The following CIZ1 variants were observed in gnomAD, a reference collection of about 807,000 sequenced individuals.
CIZ1 encodes CDKN1A interacting zinc finger protein 1.
In CIZ1, 58 loss-of-function variants were observed where a neutral mutation model predicts 118.6. The ratio of observed to expected loss-of-function variants is 0.49; its 90% CI spans 0.40 to 0.61. CIZ1 has a LOEUF of 0.61. Ranked by LOEUF, CIZ1 falls within the 20% of genes least tolerant of loss-of-function variation. CIZ1 has a pLI of 0.00. For missense variants in CIZ1, 921 were observed against 1,115.9 expected (o/e 0.83, Z 2.49); for synonymous variants, 448 against 443.4 (o/e 1.01, Z -0.13).
chr9:128,200,301 A>C (rs923552903), intron 1 of CIZ1: 1 of 152,134 alleles, frequency 6.6e-6, no homozygotes, highest in Non-Finnish European at 1.5e-5. Context: ...AGGTTTTCAA[A>C]TACTTGTGTA....
rs45475893 is a variant in CIZ1, at chr9:128,176,371, G to A, written c.1923C>T (p.Asp641=). ...CTCACTCATCCTCTGTCTCCAGGACGTCCCGGGGCACGGGCAGCAGGGACA... is the reference window on the plus strand; with the variant it reads ...CTCACTCATCCTCTGTCTCCAGGACATCCCGGGGCACGGGCAGCAGGGACA... ...CLLSLLPVPR[D]VLETEDEEPP... The change falls in exon 11 of 17, where the codon GAC becomes GAT. Residue 641 remains aspartate (D), a synonymous_variant. Transcript: ENST00000372938. The A allele has an allele frequency of 8.2e-4, 1,324 of 1,614,018 alleles. 8 individuals carry two copies. The African/African-American group carries it at 0.015, about 19-fold the overall frequency.
In CIZ1 at chr9:128,189,937, G is replaced by C. The variant is rs536754511; in HGVS notation, c.286+392C>G. 2.0e-5 allele frequency among the ~76,000 whole-genome samples: 3 copies of C among 151,682 alleles called. No individual in the cohort carries two copies. The South Asian group carries it at 6.2e-4, about 32-fold the overall frequency. ...GACAAGGCCACAGACTTAATGCACA[G>C]GGCTAGAGACAACCACTCAGACATC... On this transcript the variant is annotated intron_variant, in intron 3 of 16. Transcript: ENST00000372938.
Position 128,166,317 on chromosome 9 carries a change from C to A in CIZ1, c.2577G>T (p.Leu859=), listed in dbSNP as rs1306455575. The A allele has an allele frequency of 7.0e-6, 11 of 1,568,576 alleles. No homozygotes were observed. The highest frequency in any genetic ancestry group is 1.4e-5 in the African/African-American group (1 of 74,034). ...AINARNALTA[L]FTSSGRPPSQ... is the part of the protein sequence containing the mutation. ...AGGGTGGGCGGCCGCTGGAGGTGAA[C>A]AGGGCTGTCAAAGCGTTCCGGGCGT... Residue 859 remains leucine, a synonymous_variant, in exon 17 of 17, where the codon CTG becomes CTT. Coordinates refer to ENST00000372938, the MANE Select transcript of CIZ1 (RefSeq NM_001131016.2). This position sits in a 1 kb window ranked among gnomAD's most constrained non-coding sequence, Gnocchi z 4.4.
rs753950043 is a variant in CIZ1 at position 128,190,479 on chromosome 9, G to A, written c.171-35C>T. 3 of 1,527,726 alleles carry A rather than the reference G, an allele frequency of 2.0e-6. No individual in the cohort carries two copies. The South Asian group carries it at 3.5e-5, about 18-fold the overall frequency. 94.6% of individuals were successfully genotyped at this position (1,527,726 alleles called of 1,614,324 possible). A position where few individuals can be genotyped will look rare whatever the true frequency, so the allele number is the denominator to read the frequency against. On this transcript the variant is annotated intron_variant, in intron 2 of 16. Coordinates refer to ENST00000372938, the MANE Select transcript of CIZ1 (RefSeq NM_001131016.2). ...GGGAGGGGGTGTCAGAGGGTTATTT[G>A]GAAAGTCAGACCTTCCTTCTTCCCC...
chr9:128,183,398 A>C (rs1356750237), intron 5 of CIZ1, among the ~76,000 whole-genome samples: 1 of 152,182 alleles, frequency 6.6e-6, no homozygotes, highest in Admixed American at 6.5e-5. Flanking sequence ...ACTAGACCAG[A>C]TCTGTGATGA....
At chr9:128,170,161 G>GTCTT in intron 11 of CIZ1, 54 bp from the exon 12 acceptor site, 4 of 1,464,356 alleles carry the variant, frequency 2.7e-6, no homozygotes, top group Non-Finnish European at 2.9e-6. Context: ...GACAGCAGCT[G>GTCTT]TCTGAGAGCG....
At chr9:128,169,965 G>T in intron 12 of CIZ1, 55 bp downstream of exon 12, 2 of 1,496,112 alleles carry the variant, frequency 1.3e-6, no homozygotes, top group South Asian at 1.1e-5. Flanking sequence ...GTGTTGTCTG[G>T]ACTCCACTTG....
In CIZ1 at chr9:128,177,727, G is replaced by A; in HGVS notation, c.1657C>T (p.Leu553=). Residue 553 remains leucine, a synonymous_variant, in exon 10 of 17, where the codon CTG becomes TTG. Coordinates refer to ENST00000372938, the MANE Select transcript of CIZ1 (RefSeq NM_001131016.2). ...AAGGCCCGGCTGTCACTGCTCTGCAGAATGGTGACCTTCAGGGAGCCCCCG... is the reference window on the plus strand; with the variant it reads ...AAGGCCCGGCTGTCACTGCTCTGCAAAATGGTGACCTTCAGGGAGCCCCCG... ...GAGGSLKVTI[L]QSSDSRAFST... is the part of the protein sequence containing the mutation. The A allele has an allele frequency of 6.2e-7, 1 of 1,607,112 alleles. No individual in the cohort carries two copies. The highest frequency in any genetic ancestry group is 1.3e-5 in the African/African-American group (1 of 74,884).
chr9:128,191,953 C>G (rs960884463), upstream of CIZ1: 2 of 1,393,502 alleles, frequency 1.4e-6, no homozygotes, highest in Non-Finnish European at 1.9e-6. This position sits in a 1 kb window ranked among gnomAD's most constrained non-coding sequence, Gnocchi z 5.5. Context: ...TTCGAGGGAC[C>G]CAGGCCAGGC....
At position 128,176,482 on chromosome 9, in the gene CIZ1, C is replaced by T. The variant is rs112707249; in HGVS notation, c.1819-7G>A. 1.7e-5 allele frequency: 28 copies of T among 1,611,830 alleles called. No individual in the cohort carries two copies. In the South Asian group the frequency reaches 3.1e-4, roughly 18 times the overall value. ...ACATGTGGTCCTGGAACTCCTGCAG[C>T]AGGAGGGAAAGAGGGATGGGCCTGG... On this transcript the variant is annotated splice_region_variant and splice_polypyrimidine_tract_variant and intron_variant, in intron 10 of 16. Transcript: ENST00000372938.
intron 5 of CIZ1, among the ~76,000 whole-genome samples, chr9:128,181,319 T>C (rs1389437466): frequency 1.3e-5 from 2 of 152,220 alleles, no homozygotes; most frequent in Non-Finnish European, 2.9e-5. Flanking sequence ...TTTCACTATG[T>C]TGGCCACGCT....
At chr9:128,189,637 T>C (rs1268091415) in intron 3 of CIZ1, among the ~76,000 whole-genome samples, 1 of 151,870 alleles carries the variant, frequency 6.6e-6, no homozygotes, top group East Asian at 1.9e-4. Context: ...CTGGCCAACA[T>C]GGGGAAACCC....
chr9:128,187,316 T>A (rs1462598124), intron 4 of CIZ1, among the ~76,000 whole-genome samples: 1 of 152,174 alleles, frequency 6.6e-6, no homozygotes, highest in East Asian at 1.9e-4. Context: ...GGGAAGTATT[T>A]AAGGGATGAA....
chr9:128,167,269 C>T, intron 14 of CIZ1, 105 bp from the exon 15 acceptor site: 2 of 820,868 alleles, frequency 2.4e-6, no homozygotes, highest in East Asian at 5.5e-5. Flanking sequence ...ACACAGAATC[C>T]CCTTGATTTC....
chr9:128,178,217 G>T, intron 9 of CIZ1, 152 bp downstream of exon 9: 2 of 925,262 alleles, frequency 2.2e-6, no homozygotes, highest in Non-Finnish European at 3.3e-6. Context: ...GCCCAGCCTG[G>T]TCTGGCCACC....
At chr9:128,171,408 CAG>C (rs10588415) in intron 11 of CIZ1, among the ~76,000 whole-genome samples, 92,763 of 150,760 alleles carry the variant, frequency 0.62, 28,887 homozygotes, top group Admixed American at 0.73. Context: ...GCCTGGGTGA[CAG>C]AGAGAGACCC....
rs1284973153 is a variant in CIZ1 at position 128,190,730 on chromosome 9, T to G, written c.128A>C (p.Gln43Pro). 1.9e-6 allele frequency: 3 copies of G among 1,550,258 alleles called. No homozygotes were observed. In the East Asian group the frequency reaches 7.3e-5, roughly 38 times the overall value. The change falls in exon 2 of 17, where the codon CAG becomes CCG. Residue 43 changes from glutamine to proline, a missense_variant. Physicochemically the swap from Gln to Pro is moderately conservative, Grantham distance 76. Coordinates refer to ENST00000372938, the MANE Select transcript of CIZ1 (RefSeq NM_001131016.2). The stretch of plus-strand genomic sequence containing the variant: ...CAACGGGGCCTGTGGTGGGGACTGC[T>G]GGAGCAGCTGCTGGAGCTGCAGTAA... Reference protein sequence around the residue: ...QQLLQLQQLLQQSPPQAPLPM... With the variant: ...QQLLQLQQLLPQSPPQAPLPM...
chr9:128,191,193 T>G lies in CIZ1; in HGVS notation c.-6+239A>C. 7.5e-6 allele frequency: 3 copies of G among 397,354 alleles called. No homozygotes were observed. The highest frequency in any genetic ancestry group is 1.4e-5 in the Non-Finnish European group (3 of 220,950). 24.6% of individuals were successfully genotyped at this position (397,354 alleles called of 1,614,324 possible). A position where few individuals can be genotyped will look rare whatever the true frequency, so the allele number is the denominator to read the frequency against. Reference sequence around the variant, plus strand: ...CTCAGCCTCTCTCTGCGCCCATCACTTCCTCACTCACAGCCCCTTTTCAAT... The same window carrying G: ...CTCAGCCTCTCTCTGCGCCCATCACGTCCTCACTCACAGCCCCTTTTCAAT... On this transcript the variant is annotated intron_variant, in intron 1 of 16. Coordinates refer to ENST00000372938, the MANE Select transcript of CIZ1 (RefSeq NM_001131016.2). This position sits in a 1 kb window ranked among gnomAD's most constrained non-coding sequence, Gnocchi z 5.5.
In CIZ1 at chr9:128,187,926, G is replaced by T. The variant is rs1181789335; in HGVS notation, c.295C>A (p.Gln99Lys). Residue 99 changes from glutamine to lysine, a missense_variant, in exon 4 of 17, where the codon CAG (glutamine) becomes AAG (lysine). Coordinates refer to ENST00000372938, the MANE Select transcript of CIZ1 (RefSeq NM_001131016.2). Reference sequence around the variant, plus strand: ...TACGTGGCTGGTGGCATTGCAAACTGGTCCAGTCCTTTAGGAAAGCAATTC... The same window carrying T: ...TACGTGGCTGGTGGCATTGCAAACTTGTCCAGTCCTTTAGGAAAGCAATTC... ...LLLQQLQGLD[Q>K]FAMPPATYDT... The T allele has an allele frequency of 1.3e-6, 1 of 750,586 alleles. No homozygotes were observed. Among genetic ancestry groups the T allele is most frequent in the East Asian group, 2.5e-5 (1 of 40,620 alleles). 46.5% of individuals were successfully genotyped at this position (750,586 alleles called of 1,614,324 possible).
Sources: allele counts gnomAD v4.1 joint callset (sites outside exome capture counted in the v4.1 genomes callset), GRCh38; gene constraint gnomAD v4.1.1; non-coding constraint Gnocchi (gnomAD v3.1); transcripts MANE v1.5; gene names NCBI Gene and HGNC (gene_info 2026-07-23, HGNC 2026-07-21).